The following ERICH1 variants were observed in gnomAD, a reference collection of about 807,000 sequenced individuals.
The protein encoded by ERICH1 is glutamate-rich protein 1.
ERICH1 carries 56 observed loss-of-function variants against 39.6 expected under a neutral mutation model. That is an observed-to-expected ratio of 1.41 (90% CI 1.14 to 1.77). The LOEUF (loss-of-function observed/expected upper bound fraction) is 1.77. Ranked by LOEUF, ERICH1 falls within the 40% of genes most tolerant of loss-of-function variation. The pLI is 0.00. For missense variants in ERICH1, 826 were observed against 575.4 expected (o/e 1.44, Z -4.45); for synonymous variants, 313 against 223.6 (o/e 1.40, Z -3.57).
intron 3 of ERICH1, among the ~76,000 whole-genome samples, chr8:679,787 A>G (rs1316995609): frequency 3.3e-5 from 5 of 152,348 alleles, no homozygotes; most frequent in Non-Finnish European, 2.9e-5. Context: ...CAGGCAGGGC[A>G]CCAGGGAGAC....
At chr8:716,800 T>A (rs1673978993) in intron 1 of ERICH1, among the ~76,000 whole-genome samples, 1 of 152,036 alleles carries the variant, frequency 6.6e-6, no homozygotes, top group Non-Finnish European at 1.5e-5. Context: ...ACTGGAGGCG[T>A]GCAGGGATCT....
At chr8:713,540 T>A (rs994021601) in intron 2 of ERICH1, among the ~76,000 whole-genome samples, 2 of 152,290 alleles carry the variant, frequency 1.3e-5, no homozygotes, top group East Asian at 1.9e-4. Context: ...CCTTCTCACT[T>A]GTCTTCTATC....
chr8:633,862 C>A (rs114652618), intron 3 of ERICH1, among the ~76,000 whole-genome samples: 4,958 of 152,292 alleles, frequency 0.033, 278 homozygotes, highest in African/African-American at 0.11. Context: ...TTGGCCCCTA[C>A]TTTACAGCTG....
At chr8:632,271 T>C (rs1798088697) in intron 3 of ERICH1, among the ~76,000 whole-genome samples, 1 of 152,190 alleles carries the variant, frequency 6.6e-6, no homozygotes, top group Non-Finnish European at 1.5e-5. Context: ...GAGATAGTTT[T>C]TCTCAAAACT....
intron 5 of ERICH1, among the ~76,000 whole-genome samples, chr8:665,560 A>G (rs1179483708): frequency 2.6e-5 from 4 of 152,234 alleles, no homozygotes; most frequent in Admixed American, 6.5e-5. Flanking sequence ...GAAAGCCCCA[A>G]CAGTCAGGAT....
intron 1 of ERICH1, among the ~76,000 whole-genome samples, chr8:728,036 C>T (rs1050943811): frequency 2.0e-5 from 3 of 152,192 alleles, no homozygotes; most frequent in Non-Finnish European, 4.4e-5. Context: ...GGCCCTGGGA[C>T]GGGGCTCCCG....
At chr8:712,398 G>A (rs1045026685) in intron 2 of ERICH1, among the ~76,000 whole-genome samples, 2 of 151,804 alleles carry the variant, frequency 1.3e-5, no homozygotes, top group Non-Finnish European at 2.9e-5. Flanking sequence ...TATTATGGGG[G>A]GGTGGTAATA....
chr8:618,351 G>A (rs1312973244), intron 3 of ERICH1, among the ~76,000 whole-genome samples: 3 of 146,686 alleles, frequency 2.0e-5, no homozygotes, highest in Non-Finnish European at 4.5e-5. Context: ...CCTTTTGAGT[G>A]CTCGTACTTG....
At chr8:701,652 T>G (rs1476589332) in intron 2 of ERICH1, among the ~76,000 whole-genome samples, 2 of 152,168 alleles carry the variant, frequency 1.3e-5, no homozygotes, top group Non-Finnish European at 2.9e-5. Context: ...GATACGTGTA[T>G]TTTTTTGCAA....
At chr8:726,459 C>T (rs1457065802) in intron 1 of ERICH1, among the ~76,000 whole-genome samples, 1 of 151,824 alleles carries the variant, frequency 6.6e-6, no homozygotes, top group Non-Finnish European at 1.5e-5. Context: ...ACACAACACA[C>T]AGGTGCACAC....
At chr8:707,601 G>T (rs536432640) in intron 2 of ERICH1, among the ~76,000 whole-genome samples, 1 of 152,138 alleles carries the variant, frequency 6.6e-6, no homozygotes, top group South Asian at 2.1e-4. Flanking sequence ...ACATGCAAAG[G>T]AATGAAGTTG....
chr8:635,657 C>G (rs1010122709), intron 3 of ERICH1, among the ~76,000 whole-genome samples: 4 of 152,230 alleles, frequency 2.6e-5, no homozygotes, highest in Non-Finnish European at 5.9e-5. Context: ...TCCCTGCACC[C>G]TCACGCTCAC....
At chr8:682,956 T>A (rs1010462604) in intron 3 of ERICH1, among the ~76,000 whole-genome samples, 6 of 152,246 alleles carry the variant, frequency 3.9e-5, no homozygotes, top group African/African-American at 1.4e-4. Context: ...ATCAAGTTGA[T>A]CTAAACCCTA....
chr8:727,889 G>A (rs1819141670), intron 1 of ERICH1, among the ~76,000 whole-genome samples: 1 of 152,214 alleles, frequency 6.6e-6, no homozygotes, highest in African/African-American at 2.4e-5. Context: ...AGGGGGCACT[G>A]TGGGGCAGGG....
chr8:638,687 G>A (rs1798651696), intron 3 of ERICH1, among the ~76,000 whole-genome samples: 1 of 152,176 alleles, frequency 6.6e-6, no homozygotes, highest in Non-Finnish European at 1.5e-5. Context: ...CCTGCCTTAT[G>A]ATAGCTAATT....
chr8:633,348 C>G (rs971621817), intron 3 of ERICH1, among the ~76,000 whole-genome samples: 1 of 152,196 alleles, frequency 6.6e-6, no homozygotes, highest in Non-Finnish European at 1.5e-5. Context: ...TCAGGATGCA[C>G]TTGTATGATG....
intron 2 of ERICH1, among the ~76,000 whole-genome samples, chr8:715,516 C>A (rs1257856156): frequency 6.6e-5 from 10 of 152,240 alleles, no homozygotes; most frequent in Non-Finnish European, 1.3e-4. Flanking sequence ...AGGGGGCCAC[C>A]ACAGTGACTG....
Position 715,983 on chromosome 8 carries a change from C to A in ERICH1, c.47G>T (p.Arg16Ile), listed in dbSNP as rs185613557. ...GCCACTTGGAACAGGAGGAAAAAGT[C>A]TCTGCAGCACCTTCTCCACAAACAC... ...KHVFVEKVLQ[R>I]LFPPVPSGQG... The change falls in exon 2 of 6, where the codon AGA becomes ATA. Residue 16 changes from arginine to isoleucine, a missense_variant. Coordinates refer to ENST00000262109, the MANE Select transcript of ERICH1 (RefSeq NM_207332.3). 17 of 1,611,846 alleles carry A rather than the reference C, an allele frequency of 1.1e-5. No homozygotes were observed. In the East Asian group the frequency reaches 3.8e-4, roughly 36 times the overall value.
At chr8:671,384 T>C (rs1353673801) in intron 4 of ERICH1, among the ~76,000 whole-genome samples, 1 of 141,626 alleles carries the variant, frequency 7.1e-6, no homozygotes, top group Non-Finnish European at 1.5e-5. Context: ...CCGGCTCTAA[T>C]GTCTGTGCTC....
Sources: gnomAD v4.1 joint callset for allele counts (sites outside exome capture counted in the v4.1 genomes callset) on GRCh38, gnomAD v4.1.1 for gene constraint, MANE v1.5 for transcripts, NCBI Gene and HGNC (gene_info 2026-07-23, HGNC 2026-07-21) for gene names.